CAMK1D: variants seen among roughly 807,000 people sequenced by gnomAD.
The protein encoded by CAMK1D is calcium/calmodulin dependent protein kinase ID, also known as calcium/calmodulin-dependent protein kinase type 1D.
Under a neutral mutation model 47.7 loss-of-function variants are expected in CAMK1D, and 9 were observed. That is an observed-to-expected ratio of 0.19 (90% CI 0.11 to 0.33). The LOEUF (loss-of-function observed/expected upper bound fraction) is 0.33. Ranked by LOEUF, CAMK1D falls within the 10% of genes least tolerant of loss-of-function variation. CAMK1D has a pLI of 1.00. For missense variants in CAMK1D, 291 were observed against 488.7 expected (o/e 0.60, Z 3.81); for synonymous variants, 184 against 184.9 (o/e 0.99, Z 0.04).
chr10:12,530,658 G>A (rs1835775440), intron 1 of CAMK1D, among the ~76,000 whole-genome samples: 1 of 152,166 alleles, frequency 6.6e-6, no homozygotes, highest in African/African-American at 2.4e-5. Context: ...GGTCTGGGGA[G>A]GCAGCGGTTC....
At chr10:12,667,431 T>C (rs139784625) in intron 3 of CAMK1D, among the ~76,000 whole-genome samples, 3 of 152,344 alleles carry the variant, frequency 2.0e-5, no homozygotes, top group East Asian at 1.9e-4. Context: ...AAGCCAGATA[T>C]TCAAATAAAG....
intron 5 of CAMK1D, among the ~76,000 whole-genome samples, chr10:12,778,098 A>G (rs557422451): frequency 6.6e-6 from 1 of 152,332 alleles, no homozygotes; most frequent in African/African-American, 2.4e-5. Flanking sequence ...AGGGCAATCT[A>G]TAGGTTTATA....
chr10:12,764,762 A>G (rs1219588834), intron 4 of CAMK1D, among the ~76,000 whole-genome samples: 1 of 152,144 alleles, frequency 6.6e-6, no homozygotes, highest in African/African-American at 2.4e-5. Context: ...TAAGCTTGAC[A>G]GCATTCTTGT....
chr10:12,474,444 C>T (rs193090718), intron 1 of CAMK1D, among the ~76,000 whole-genome samples: 3 of 152,110 alleles, frequency 2.0e-5, no homozygotes, highest in African/African-American at 4.8e-5. Context: ...CCGCCTGCCT[C>T]GGCTTCCAAA....
At chr10:12,416,242 G>A (rs970183224) in intron 1 of CAMK1D, among the ~76,000 whole-genome samples, 3 of 151,980 alleles carry the variant, frequency 2.0e-5, no homozygotes, top group Non-Finnish European at 2.9e-5. Context: ...TGGAGAAGTC[G>A]CTGGAAATGT....
intron 2 of CAMK1D, among the ~76,000 whole-genome samples, chr10:12,641,619 CAA>C (rs572283072): frequency 7.8e-6 from 1 of 127,532 alleles, no homozygotes. Context: ...ATCCCCATCT[CAA>C]AAAAAAAAAG....
intron 3 of CAMK1D, among the ~76,000 whole-genome samples, chr10:12,680,016 T>G (rs77991157): frequency 0.14 from 21,216 of 152,218 alleles, 2,136 homozygotes; most frequent in Non-Finnish European, 0.19. Context: ...CCACAGAAAT[T>G]TTCTCTTTCC....
Position 12,691,831 on chromosome 10 carries a change from A to C in CAMK1D, c.299+25021A>C, listed in dbSNP as rs78399103. Among the ~76,000 whole-genome samples, 611 of 152,300 alleles carry C rather than the reference A, an allele frequency of 4.0e-3. 8 individuals carry two copies. The highest frequency in any genetic ancestry group is 0.014 in the African/African-American group (564 of 41,550). On this transcript the variant is annotated intron_variant, in intron 3 of 10. Coordinates refer to ENST00000619168, the MANE Select transcript of CAMK1D (RefSeq NM_153498.4). ...GAGGAGGAGGGGGAGAAAGCCTTGA[A>C]TAACCAATCAACACTTACATGTAAA...
At chr10:12,815,884 G>A (rs750620779) in intron 7 of CAMK1D, among the ~76,000 whole-genome samples, 2 of 152,224 alleles carry the variant, frequency 1.3e-5, no homozygotes, top group African/African-American at 4.8e-5. Flanking sequence ...TTTAACACAT[G>A]GAGATGATGT....
At chr10:12,559,440 T>C (rs2648708) in intron 2 of CAMK1D, among the ~76,000 whole-genome samples, 123,321 of 152,076 alleles carry the variant, frequency 0.81, 51,133 homozygotes, top group Non-Finnish European at 0.9. Flanking sequence ...ATAATCAGTG[T>C]GATGTCAGAA....
chr10:12,601,285 T>A (rs1323338829), intron 2 of CAMK1D, among the ~76,000 whole-genome samples: 2 of 152,068 alleles, frequency 1.3e-5, no homozygotes, highest in Admixed American at 6.6e-5. Flanking sequence ...GTGAGCAAGT[T>A]TTCATTGCAT....
intron 3 of CAMK1D, among the ~76,000 whole-genome samples, chr10:12,704,534 T>C (rs909101112): frequency 1.3e-5 from 2 of 152,164 alleles, no homozygotes; most frequent in Admixed American, 1.3e-4. Context: ...TTGTTTGATG[T>C]TATTGTGTTA....
intron 1 of CAMK1D, among the ~76,000 whole-genome samples, chr10:12,516,702 T>G (rs7078672): frequency 0.28 from 43,282 of 152,162 alleles, 6,368 homozygotes; most frequent in East Asian, 0.38. Context: ...TGTAGTGATA[T>G]CTCACTATGG....
intron 1 of CAMK1D, among the ~76,000 whole-genome samples, chr10:12,495,572 C>T (rs1398423529): frequency 6.6e-6 from 1 of 152,160 alleles, no homozygotes; most frequent in Non-Finnish European, 1.5e-5. Context: ...AATGCAGAAT[C>T]CCAGAATGGT....
chr10:12,584,717 G>C (rs954922292), intron 2 of CAMK1D, among the ~76,000 whole-genome samples: 12 of 152,292 alleles, frequency 7.9e-5, no homozygotes, highest in African/African-American at 2.6e-4. Flanking sequence ...CTATTAGGAA[G>C]GCTGAGGTGG....
intron 1 of CAMK1D, among the ~76,000 whole-genome samples, chr10:12,430,571 T>G (rs1832437545): frequency 6.6e-6 from 1 of 152,212 alleles, no homozygotes; most frequent in South Asian, 2.1e-4. Flanking sequence ...GGCAGTACAT[T>G]GCTGATTTTG....
At chr10:12,657,137 AC>A (rs1266755528) in intron 2 of CAMK1D, among the ~76,000 whole-genome samples, 2 of 152,098 alleles carry the variant, frequency 1.3e-5, no homozygotes, top group Non-Finnish European at 2.9e-5. Flanking sequence ...TTTTAAAAGC[AC>A]CTTTCTGGCC....
chr10:12,534,300 C>CCCAGGT (rs1466530123), intron 1 of CAMK1D, among the ~76,000 whole-genome samples: 1 of 152,200 alleles, frequency 6.6e-6, no homozygotes, highest in Non-Finnish European at 1.5e-5. Flanking sequence ...ACCTCCGCCT[C>CCCAGGT]CCAGGTTCAA....
At chr10:12,738,446 A>G in intron 3 of CAMK1D, among the ~76,000 whole-genome samples, 1 of 152,224 alleles carries the variant, frequency 6.6e-6, no homozygotes. Flanking sequence ...GAATGGCATC[A>G]TCCAAAATGT....
Sources: allele counts gnomAD v4.1 joint callset (sites outside exome capture counted in the v4.1 genomes callset), GRCh38; gene constraint gnomAD v4.1.1; transcripts MANE v1.5; gene names NCBI Gene and HGNC (gene_info 2026-07-23, HGNC 2026-07-21).